TENM3: variants seen among roughly 807,000 people sequenced by gnomAD.
The protein encoded by TENM3 is teneurin transmembrane protein 3.
A neutral mutation model predicts 255.1 loss-of-function variants in TENM3; 63 were observed. The observed-to-expected ratio is 0.25, with a 90% CI of 0.20 to 0.30. The LOEUF (loss-of-function observed/expected upper bound fraction) is 0.30. Ranked by LOEUF, TENM3 falls within the 10% of genes least tolerant of loss-of-function variation. TENM3 has a pLI of 1.00. For synonymous variants in TENM3, 1,306 were observed against 1,322.3 expected (o/e 0.99, Z 0.27); for missense variants, 2,929 against 3,461.1 (o/e 0.85, Z 3.86).
At chr4:182,378,035 G>A (rs1222238719) in intron 3 of TENM3, among the ~76,000 whole-genome samples, 2 of 152,162 alleles carry the variant, frequency 1.3e-5, no homozygotes, top group Non-Finnish European at 1.5e-5. Context: ...TGGAGGATAC[G>A]GAGGGAAGGC....
chr4:182,094,851 A>G, the TENM3 span, among the ~76,000 whole-genome samples: 2 of 152,148 alleles, frequency 1.3e-5, no homozygotes, highest in African/African-American at 2.4e-5. Flanking sequence ...CGGAAATTAA[A>G]GTAAAAATCA....
At chr4:181,667,966 A>G in the TENM3 span, among the ~76,000 whole-genome samples, 1 of 152,268 alleles carries the variant, frequency 6.6e-6, no homozygotes, top group African/African-American at 2.4e-5. Context: ...GAGAGCTTCC[A>G]CTTAATGTTT....
the TENM3 span, among the ~76,000 whole-genome samples, chr4:181,799,817 A>G: frequency 2.0e-5 from 3 of 152,194 alleles, no homozygotes; most frequent in Non-Finnish European, 4.4e-5. Flanking sequence ...AGGTCTATAC[A>G]TTTTCCAGAA....
At chr4:181,542,931 A>G in the TENM3 span, among the ~76,000 whole-genome samples, 1 of 152,136 alleles carries the variant, frequency 6.6e-6, no homozygotes, top group Non-Finnish European at 1.5e-5. Flanking sequence ...CCCCTACATT[A>G]CTTACCCATC....
the TENM3 span, among the ~76,000 whole-genome samples, chr4:181,697,090 T>G: frequency 1.3e-5 from 2 of 152,190 alleles, no homozygotes; most frequent in Admixed American, 6.5e-5. Flanking sequence ...GACCAACAAT[T>G]ATCTGTCTGC....
At chr4:182,343,009 T>C (rs1448993274) in intron 2 of TENM3, among the ~76,000 whole-genome samples, 2 of 152,176 alleles carry the variant, frequency 1.3e-5, no homozygotes, top group African/African-American at 4.8e-5. Context: ...TATGTGCCAA[T>C]CTCATTTGAA....
At chr4:182,689,253 G>A (rs2152579632) in intron 12 of TENM3, among the ~76,000 whole-genome samples, 1 of 152,290 alleles carries the variant, frequency 6.6e-6, no homozygotes, top group South Asian at 2.1e-4. Context: ...TCCCTAGGGT[G>A]AAATTTGATA....
At chr4:182,389,682 T>A (rs1485493218) in intron 3 of TENM3, among the ~76,000 whole-genome samples, 2 of 83,742 alleles carry the variant, frequency 2.4e-5, no homozygotes, top group Non-Finnish European at 4.6e-5. Context: ...TGCACTGCAG[T>A]AGATGACTCT....
At chr4:181,975,322 G>C in the TENM3 span, 1 of 152,130 alleles carries the variant, frequency 6.6e-6, no homozygotes, top group South Asian at 2.1e-4. Context: ...ATTTTCAGTA[G>C]AGACAGGGTT....
chr4:182,364,257 T>G (rs553597697), intron 3 of TENM3, among the ~76,000 whole-genome samples: 1 of 152,252 alleles, frequency 6.6e-6, no homozygotes, highest in South Asian at 2.1e-4. Context: ...TTATCTATGA[T>G]GTGATTTAGG....
chr4:182,788,113 G>A (rs906432839), intron 24 of TENM3, among the ~76,000 whole-genome samples: 1 of 152,120 alleles, frequency 6.6e-6, no homozygotes, highest in African/African-American at 2.4e-5. Context: ...CTAGAATATG[G>A]TTATGTAAAA....
the TENM3 span, among the ~76,000 whole-genome samples, chr4:181,870,079 C>T: frequency 6.6e-6 from 1 of 152,096 alleles, no homozygotes; most frequent in South Asian, 2.1e-4. Context: ...AATCATGCAA[C>T]GTGTGCATTT....
chr4:182,743,471 A>T, intron 19 of TENM3, 52 bp downstream of exon 19: 12 of 1,562,776 alleles, frequency 7.7e-6, no homozygotes, highest in Non-Finnish European at 9.7e-6. Flanking sequence ...GTGCCTCTTT[A>T]AAAAAAAGGT....
the TENM3 span, among the ~76,000 whole-genome samples, chr4:181,554,752 AGTTGACAACCT>A: frequency 6.6e-6 from 1 of 152,238 alleles, no homozygotes; most frequent in Non-Finnish European, 1.5e-5. Flanking sequence ...TTCATACTGA[AGTTGACAACCT>A]GTTAAATAGT....
the TENM3 span, among the ~76,000 whole-genome samples, chr4:181,860,718 A>G: frequency 1.3e-5 from 2 of 152,182 alleles, no homozygotes; most frequent in African/African-American, 4.8e-5. Context: ...AGTTATTTTT[A>G]TGGGGGCTCC....
At chr4:182,581,155 T>G (rs991643186) in intron 3 of TENM3, among the ~76,000 whole-genome samples, 34 of 152,254 alleles carry the variant, frequency 2.2e-4, no homozygotes, top group African/African-American at 7.7e-4. Context: ...ACATAATAAA[T>G]AAGAAGAAAT....
the TENM3 span, among the ~76,000 whole-genome samples, chr4:181,527,631 T>G: frequency 4.6e-5 from 7 of 151,682 alleles, no homozygotes; most frequent in East Asian, 1.9e-4. Context: ...TTTTGTTTTT[T>G]TTTTTTTTTA....
At chr4:182,499,841 CTATTTTTTCTTTATAACA>C (rs1364382713) in intron 3 of TENM3, among the ~76,000 whole-genome samples, 3 of 152,154 alleles carry the variant, frequency 2.0e-5, no homozygotes, top group Admixed American at 2.0e-4. Flanking sequence ...CTCCCAAAAT[CTATTTTTTCTTTATAACA>C]TTTACAGACT....
At chr4:181,953,802 A>G in the TENM3 span, among the ~76,000 whole-genome samples, 17 of 152,188 alleles carry the variant, frequency 1.1e-4, no homozygotes, top group South Asian at 4.1e-4. Context: ...TATAATTTAC[A>G]TATAATAGAA....
Sources: gnomAD v4.1 joint callset for allele counts (sites outside exome capture counted in the v4.1 genomes callset) on GRCh38, gnomAD v4.1.1 for gene constraint, MANE v1.5 for transcripts, NCBI Gene and HGNC (gene_info 2026-07-23, HGNC 2026-07-21) for gene names.